CAPRIN1: variants seen among roughly 807,000 people sequenced by gnomAD.
CAPRIN1 encodes caprin-1.
A neutral mutation model predicts 100.9 loss-of-function variants in CAPRIN1; 29 were observed. The ratio of observed to expected loss-of-function variants is 0.29; its 90% confidence interval spans 0.21 to 0.39. The LOEUF is 0.39. Among genes scored for constraint, CAPRIN1 ranks in the 10% least tolerant of loss-of-function variants. The probability of loss-of-function intolerance (pLI) is 1.00; values close to 1 mark genes in which losing one functional copy is unlikely to be tolerated. For synonymous variants in CAPRIN1, 338 were observed against 307.5 expected (o/e 1.10, Z -1.04); for missense variants, 795 against 876.7 (o/e 0.91, Z 1.18).
At position 34,096,461 on chromosome 11, in the gene CAPRIN1, T is replaced by C; in HGVS notation, c.1706-18T>C. ...ATGAGCTGTTTATGTATATATCTTT[T>C]TCTTTTTTAAATTATAGTGGTTGGC... On this transcript the variant is annotated intron_variant, in intron 15 of 18. Coordinates refer to ENST00000341394, the MANE Select transcript of CAPRIN1 (RefSeq NM_005898.5). 1 of 1,602,116 alleles carries C rather than the reference T, an allele frequency of 6.2e-7. No homozygotes were observed. Among genetic ancestry groups the C allele is most frequent in the Non-Finnish European group, 8.5e-7 (1 of 1,170,186 alleles).
At chr11:34,072,210 GCTC>G (rs756803563) in intron 4 of CAPRIN1, among the ~76,000 whole-genome samples, 1 of 151,468 alleles carries the variant, frequency 6.6e-6, no homozygotes, top group African/African-American at 2.4e-5. Context: ...TGTAGCCCTG[GCTC>G]CTCAATAGGT....
At chr11:34,078,641 A>G (rs985546810) in intron 6 of CAPRIN1, among the ~76,000 whole-genome samples, 2 of 152,286 alleles carry the variant, frequency 1.3e-5, no homozygotes, top group Admixed American at 6.5e-5. Context: ...AAGGACATTC[A>G]TGGTCTGGCC....
chr11:34,052,268 C>T, intron 1 of CAPRIN1, 153 bp from the exon 2 acceptor site: 2 of 624,356 alleles, frequency 3.2e-6, no homozygotes, highest in Non-Finnish European at 2.7e-6. Flanking sequence ...CGCACTCTTC[C>T]TGCCCTCGAG....
chr11:34,078,222 A>C (rs1850942529), intron 6 of CAPRIN1, among the ~76,000 whole-genome samples: 1 of 152,228 alleles, frequency 6.6e-6, no homozygotes, highest in African/African-American at 2.4e-5. Flanking sequence ...TAAGGAAAAC[A>C]TATGAAGTGT....
At chr11:34,079,868 T>G (rs917715182) in intron 7 of CAPRIN1, 103 bp downstream of exon 7, 2 of 1,023,344 alleles carry the variant, frequency 2.0e-6, no homozygotes, top group Admixed American at 6.1e-5. Flanking sequence ...ATATGTACAC[T>G]AGATTTTATT....
At chr11:34,052,115 G>C (rs1000088953) in intron 1 of CAPRIN1, 1 of 150,654 alleles carries the variant, frequency 6.6e-6, no homozygotes, top group Admixed American at 6.6e-5. Flanking sequence ...TTGGCGGCCG[G>C]CGCGGCGATG....
At chr11:34,089,529 G>C in intron 12 of CAPRIN1, 73 bp downstream of exon 12, 1 of 826,058 alleles carries the variant, frequency 1.2e-6, no homozygotes, top group Non-Finnish European at 2.0e-6. Flanking sequence ...TACTTTAGGA[G>C]GCTGAGATGG....
At chr11:34,073,114 G>A (rs1262203415) in intron 4 of CAPRIN1, among the ~76,000 whole-genome samples, 1 of 152,206 alleles carries the variant, frequency 6.6e-6, no homozygotes, top group Non-Finnish European at 1.5e-5. Context: ...ACTATGTAAA[G>A]TTGCCTCTAA....
intron 2 of CAPRIN1, among the ~76,000 whole-genome samples, chr11:34,058,159 A>G (rs1850494075): frequency 6.6e-6 from 1 of 152,134 alleles, no homozygotes; most frequent in East Asian, 1.9e-4. Flanking sequence ...TTTTTGAAAC[A>G]GAATCTTGCT....
At chr11:34,077,468 C>G (rs565281835) in intron 6 of CAPRIN1, among the ~76,000 whole-genome samples, 2 of 152,200 alleles carry the variant, frequency 1.3e-5, no homozygotes, top group African/African-American at 4.8e-5. Flanking sequence ...GTCTAGTTTT[C>G]TTTGTGAGCT....
At chr11:34,066,499 C>G (rs939424724) in intron 2 of CAPRIN1, among the ~76,000 whole-genome samples, 1 of 151,258 alleles carries the variant, frequency 6.6e-6, no homozygotes, top group Admixed American at 6.6e-5. Flanking sequence ...ATACCCGGCT[C>G]ATTTTTGTAT....
At chr11:34,075,166 C>T (rs1383684391) in intron 4 of CAPRIN1, among the ~76,000 whole-genome samples, 1 of 151,974 alleles carries the variant, frequency 6.6e-6, no homozygotes, top group Non-Finnish European at 1.5e-5. Flanking sequence ...ATTTATTCTG[C>T]ACACTCTGTT....
chr11:34,065,827 C>G (rs770439953), intron 2 of CAPRIN1, among the ~76,000 whole-genome samples: 1 of 152,118 alleles, frequency 6.6e-6, no homozygotes, highest in Non-Finnish European at 1.5e-5. Context: ...AAACTTTGAT[C>G]AGACTTAGGA....
chr11:34,072,796 A>G (rs1443194036), intron 4 of CAPRIN1, among the ~76,000 whole-genome samples: 1 of 152,222 alleles, frequency 6.6e-6, no homozygotes, highest in Non-Finnish European at 1.5e-5. Context: ...TGTACTCCAT[A>G]ATGATGTTTC....
intron 7 of CAPRIN1, 140 bp downstream of exon 7, chr11:34,079,905 GTTTTTTTTTTTT>G (rs377455073): frequency 8.8e-4 from 293 of 331,856 alleles, no homozygotes; most frequent in African/African-American, 7.2e-3. Context: ...GCATGACAAA[GTTTTTTTTTTTT>G]TTTTTTTTTT....
At chr11:34,076,982 G>T (rs534629777) in intron 6 of CAPRIN1, among the ~76,000 whole-genome samples, 1 of 152,128 alleles carries the variant, frequency 6.6e-6, no homozygotes, top group Admixed American at 6.5e-5. Flanking sequence ...TGATTCACCT[G>T]CCTGGGCCTC....
At chr11:34,062,977 T>G (rs1850613150) in intron 2 of CAPRIN1, 1 of 152,218 alleles carries the variant, frequency 6.6e-6, no homozygotes, top group African/African-American at 2.4e-5. Flanking sequence ...TCTTTGCTAT[T>G]TATTTTTAAT....
chr11:34,098,988 A>G, intron 18 of CAPRIN1: 1 of 1,217,318 alleles, frequency 8.2e-7, no homozygotes, highest in South Asian at 2.0e-5. Context: ...TCTCTGCTGT[A>G]TCTATTCCCA....
At chr11:34,095,397 G>A (rs1176362341) in intron 15 of CAPRIN1, among the ~76,000 whole-genome samples, 1 of 152,208 alleles carries the variant, frequency 6.6e-6, no homozygotes, top group Non-Finnish European at 1.5e-5. Flanking sequence ...GTAAAAAGAT[G>A]ACACCGATGT....
Sources: allele counts gnomAD v4.1 joint callset (sites outside exome capture counted in the v4.1 genomes callset), GRCh38; gene constraint gnomAD v4.1.1; transcripts MANE v1.5; gene names NCBI Gene and HGNC (gene_info 2026-07-23, HGNC 2026-07-21).